The following GRIA3 variants were observed in gnomAD, a reference collection of about 807,000 sequenced individuals.
The protein encoded by GRIA3 is glutamate receptor 3.
GRIA3 carries 3 observed loss-of-function variants against 63.0 expected under a neutral mutation model. That is an observed-to-expected ratio of 0.05 (90% confidence interval 0.02 to 0.12). The LOEUF (loss-of-function observed/expected upper bound fraction) is 0.12. GRIA3 is among the 10% of genes least tolerant of loss of function. The pLI is 1.00. For synonymous variants in GRIA3, 274 were observed against 257.9 expected (o/e 1.06, Z -0.60); for missense variants, 347 against 700.9 (o/e 0.50, Z 5.70).
intron 3 of GRIA3, among the ~76,000 whole-genome samples, chrX:123,318,885 G>A (rs952442231): frequency 3.6e-5 from 4 of 111,723 alleles, no homozygotes; most frequent in African/African-American, 1.3e-4. Context: ...AGACATACCC[G>A]AAAGTGGGAA....
intron 5 of GRIA3, among the ~76,000 whole-genome samples, chrX:123,369,569 C>A (rs962871810): frequency 8.9e-6 from 1 of 112,035 alleles, no homozygotes; most frequent in African/African-American, 3.2e-5. Context: ...GTCCATGACT[C>A]CAATAATGTC....
chrX:123,462,817 A>G (rs2045800479), intron 12 of GRIA3, among the ~76,000 whole-genome samples: 1 of 111,928 alleles, frequency 8.9e-6, no homozygotes, highest in African/African-American at 3.3e-5. Context: ...AAAACATGGT[A>G]TATGTTTATG....
At chrX:123,266,875 C>T (rs1304161424) in intron 3 of GRIA3, among the ~76,000 whole-genome samples, 7 of 110,089 alleles carry the variant, frequency 6.4e-5, no homozygotes, top group Non-Finnish European at 1.1e-4. Flanking sequence ...TCACTCCATT[C>T]CCCCCATACA....
At chrX:123,442,688 G>A (rs1030924180) in intron 12 of GRIA3, among the ~76,000 whole-genome samples, 2 of 111,339 alleles carry the variant, frequency 1.8e-5, no homozygotes, top group African/African-American at 6.5e-5. Context: ...ATAGACTACT[G>A]GGTCTCATGC....
In GRIA3 at chrX:123,340,931, T is replaced by C. The variant is rs749470230; in HGVS notation, c.697-13979T>C. 1.2e-4 allele frequency among the ~76,000 whole-genome samples: 14 copies of C among 112,128 alleles called. No homozygotes were observed. In the South Asian group the frequency reaches 4.5e-3, roughly 36 times the overall value. ...AAAAACAACAGGGAGCCAGAGCTTT[T>C]TGTTTGTTTATTTGTTCATTATGAC... On this transcript the variant is annotated intron_variant, in intron 4 of 15. Coordinates refer to ENST00000620443, the MANE Select transcript of GRIA3 (RefSeq NM_007325.5).
chrX:123,455,188 T>A (rs1038443466), intron 12 of GRIA3, among the ~76,000 whole-genome samples: 3 of 111,832 alleles, frequency 2.7e-5, no homozygotes, highest in African/African-American at 9.7e-5. Flanking sequence ...AAACTAAGAA[T>A]AGAAACCAGA....
In GRIA3 at chrX:123,253,431, G is replaced by A. The variant is rs151086692; in HGVS notation, c.397G>A (p.Ala133Thr). ...TGTTACGCCTAGCTTCCCCACTGAC[G>A]CAGATGTGCAGTTTGTCATCCAGAT... ...SFVTPSFPTD[A>T]DVQFVIQMRP... The change falls in exon 3 of 16, where the codon GCA becomes ACA. Residue 133 changes from alanine to threonine, a missense_variant. Physicochemically the swap from Ala to Thr is moderately conservative, Grantham distance 58. Coordinates refer to ENST00000620443, the MANE Select transcript of GRIA3 (RefSeq NM_007325.5). 258 of 1,209,394 alleles carry A rather than the reference G, an allele frequency of 2.1e-4. No homozygotes were observed. In the African/African-American group the frequency reaches 2.3e-3, roughly 11 times the overall value.
At chrX:123,482,293 G>A (rs761150620) in intron 14 of GRIA3, among the ~76,000 whole-genome samples, 1 of 112,057 alleles carries the variant, frequency 8.9e-6, no homozygotes, top group East Asian at 2.8e-4. Context: ...TTATCATGTC[G>A]TATCTTAAAG....
At chrX:123,438,908 T>C (rs779714282) in intron 12 of GRIA3, among the ~76,000 whole-genome samples, 2 of 112,555 alleles carry the variant, frequency 1.8e-5, no homozygotes, top group African/African-American at 6.4e-5. Flanking sequence ...CTTGAGGCAA[T>C]AGATGTTTCT....
rs1213302982 is a variant in GRIA3, at chrX:123,406,484, G to A, written c.1500+1570G>A. ...TCTCCAATCATATGAGAGTACTGGG[G>A]TCACTAAATAAGTTCTTGGAACAGG... On this transcript the variant is annotated intron_variant, in intron 10 of 15. Transcript: ENST00000620443. 2.7e-5 allele frequency among the ~76,000 whole-genome samples: 3 copies of A among 111,357 alleles called. No individual in the cohort carries two copies. The East Asian group carries it at 8.4e-4, about 31-fold the overall frequency.
intron 11 of GRIA3, among the ~76,000 whole-genome samples, chrX:123,425,858 A>T (rs2045586850): frequency 8.9e-6 from 1 of 112,361 alleles, no homozygotes; most frequent in Admixed American, 9.5e-5. Context: ...TCAGTTTGTT[A>T]TAGTTAACCA....
chrX:123,291,397 G>A (rs1456483726), intron 3 of GRIA3, among the ~76,000 whole-genome samples: 2 of 110,707 alleles, frequency 1.8e-5, no homozygotes, highest in Non-Finnish European at 3.8e-5. Flanking sequence ...GGCAACAACA[G>A]ACACCGGGAA....
intron 4 of GRIA3, among the ~76,000 whole-genome samples, chrX:123,328,932 A>G (rs1229083220): frequency 2.7e-5 from 3 of 112,443 alleles, no homozygotes; most frequent in Non-Finnish European, 3.8e-5. Context: ...CATGATATTT[A>G]TTTATAGAAA....
At chrX:123,335,029 A>G in intron 4 of GRIA3, among the ~76,000 whole-genome samples, 1 of 109,578 alleles carries the variant, frequency 9.1e-6, no homozygotes. Context: ...GCGATATGTC[A>G]ATGCAATAAT....
At position 123,459,706 on chromosome X, in the gene GRIA3, G is replaced by C. The variant is rs151179026; in HGVS notation, c.2077-5159G>C. ...GAATGGTGGTGGGTTGGAGAAAAAT[G>C]AACTTGTTATTACACATCCTGCCCA... On this transcript the variant is annotated intron_variant, in intron 12 of 15. Coordinates refer to ENST00000620443, the MANE Select transcript of GRIA3 (RefSeq NM_007325.5). 7.0e-4 allele frequency among the ~76,000 whole-genome samples: 77 copies of C among 110,223 alleles called. 1 individual carries two copies. Among genetic ancestry groups the C allele is most frequent in the Non-Finnish European group, 1.3e-3 (68 of 52,694 alleles).
At position 123,326,383 on chromosome X, in the gene GRIA3, A is replaced by AAG. The variant is rs1556295981; in HGVS notation, c.696+171_696+172insGA. 4.6e-5 allele frequency among the ~76,000 whole-genome samples: 5 copies of AAG among 109,037 alleles called. No homozygotes were observed. The Admixed American group carries it at 4.9e-4, about 11-fold the overall frequency. The allele number at this position is 109,037 out of a possible 115,157, so 94.7% of individuals were successfully genotyped here. Reference sequence around the variant, plus strand: ...CAGTGGCTGCAGAAAAAAAAAAAAAAAAAGAAAGAAAGAAAAGAGAAGAAA... The same window carrying AAG: ...CAGTGGCTGCAGAAAAAAAAAAAAAAAGAAAGAAAGAAAGAAAAGAGAAGAAA... On this transcript the variant is annotated intron_variant, in intron 4 of 15. Transcript: ENST00000620443.
intron 5 of GRIA3, among the ~76,000 whole-genome samples, chrX:123,383,129 T>C (rs2045334044): frequency 8.9e-6 from 1 of 112,252 alleles, no homozygotes; most frequent in African/African-American, 3.2e-5. Context: ...GGTAAATGAA[T>C]TAAAGCTATT....
intron 2 of GRIA3, among the ~76,000 whole-genome samples, chrX:123,237,371 T>C (rs956367223): frequency 1.8e-5 from 2 of 111,742 alleles, no homozygotes; most frequent in African/African-American, 3.3e-5. Context: ...CTTCATGTTT[T>C]CTTAATGTAA....
intron 3 of GRIA3, among the ~76,000 whole-genome samples, chrX:123,312,949 C>T (rs2044805898): frequency 9.0e-6 from 1 of 111,429 alleles, no homozygotes; most frequent in Non-Finnish European, 1.9e-5. Flanking sequence ...GAGATTGGGA[C>T]CATCACTAAT....
Sources: allele counts gnomAD v4.1 joint callset (sites outside exome capture counted in the v4.1 genomes callset), GRCh38; gene constraint gnomAD v4.1.1; transcripts MANE v1.5; gene names NCBI Gene and HGNC (gene_info 2026-07-23, HGNC 2026-07-21).